KCNQ5: variants seen among roughly 807,000 people sequenced by gnomAD.
KCNQ5 encodes the protein potassium voltage-gated channel subfamily KQT member 5.
Under a neutral mutation model 98.2 loss-of-function variants are expected in KCNQ5, and 30 were observed. The observed-to-expected ratio is 0.31, with a 90% CI of 0.23 to 0.41. The LOEUF is 0.41. Ranked by LOEUF, KCNQ5 falls within the 10% of genes least tolerant of loss-of-function variation. The pLI is 1.00. For synonymous variants in KCNQ5, 458 were observed against 449.4 expected (o/e 1.02, Z -0.24); for missense variants, 835 against 1,182.5 (o/e 0.71, Z 4.31).
intron 1 of KCNQ5, chr6:72,986,946 C>A: frequency 1.2e-6 from 1 of 840,352 alleles, no homozygotes; most frequent in Non-Finnish European, 2.0e-6. Context: ...GGGCAGATAA[C>A]GGAAGCAGAA....
chr6:73,188,854 G>A (rs1316931267), intron 11 of KCNQ5, among the ~76,000 whole-genome samples: 7 of 151,906 alleles, frequency 4.6e-5, no homozygotes, highest in African/African-American at 7.3e-5. Context: ...ATGGTGGCAC[G>A]TGCCTGTAAT....
intron 1 of KCNQ5, among the ~76,000 whole-genome samples, chr6:72,853,515 TG>T (rs1777383449): frequency 6.6e-6 from 1 of 152,132 alleles, no homozygotes; most frequent in Non-Finnish European, 1.5e-5. Context: ...GGCTAATTTT[TG>T]TGTTGTTATT....
In KCNQ5 at chr6:72,963,654, T is replaced by TTTTATTTATTTATTTATTTA. The variant is rs144818469; in HGVS notation, c.399-40247_399-40228dup. On this transcript the variant is annotated intron_variant, in intron 1 of 13. Coordinates refer to ENST00000370398, the MANE Select transcript of KCNQ5 (RefSeq NM_019842.4). ...CTATAGCTATTAATCACAGCTTTTA[T>TTTTATTTATTTATTTATTTA]TTTATTTATTTATTTATTTATTTAT... is the stretch of plus-strand genomic sequence containing the variant. Among the ~76,000 whole-genome samples, 6 of 152,054 alleles carry TTTTATTTATTTATTTATTTA rather than the reference T, an allele frequency of 3.9e-5. No homozygotes were observed. In the East Asian group the frequency reaches 7.7e-4, roughly 20 times the overall value.
At chr6:72,845,762 T>TTTA in intron 1 of KCNQ5, among the ~76,000 whole-genome samples, 1 of 152,314 alleles carries the variant, frequency 6.6e-6, no homozygotes, top group East Asian at 1.9e-4. Context: ...CACTATTATT[T>TTTA]TTATTTGAAT....
chr6:72,710,300 G>C (rs956147357), intron 1 of KCNQ5, among the ~76,000 whole-genome samples: 6 of 152,072 alleles, frequency 3.9e-5, no homozygotes, highest in Admixed American at 3.9e-4. Flanking sequence ...TAATAAGCTG[G>C]CATTGGTAAG....
chr6:73,018,016 G>A (rs1770428611), intron 2 of KCNQ5, among the ~76,000 whole-genome samples: 1 of 152,020 alleles, frequency 6.6e-6, no homozygotes, highest in South Asian at 2.1e-4. Flanking sequence ...TTTAAATCAG[G>A]TGAAATCAAG....
At chr6:72,854,721 TAC>T (rs59899899) in intron 1 of KCNQ5, among the ~76,000 whole-genome samples, 35,285 of 126,462 alleles carry the variant, frequency 0.28, 4,896 homozygotes, top group South Asian at 0.32. Flanking sequence ...TCTTTCTTTG[TAC>T]ACACACACAC....
In KCNQ5 at chr6:73,144,949, G is replaced by A. The variant is rs374839340; in HGVS notation, c.1468+11308G>A. On this transcript the variant is annotated intron_variant, in intron 10 of 13. Coordinates refer to ENST00000370398, the MANE Select transcript of KCNQ5 (RefSeq NM_019842.4). The stretch of plus-strand genomic sequence containing the variant: ...TTGGTCAAAGCAAATGGCAAGGACA[G>A]CCCACATGCAAGAGACAGAGAAAGA... Among the ~76,000 whole-genome samples, 330 of 152,318 alleles carry A rather than the reference G, an allele frequency of 2.2e-3. 4 individuals are homozygous for A. The highest frequency in any genetic ancestry group is 2.3e-3 in the Non-Finnish European group (155 of 68,030).
At chr6:72,686,052 TTGACCCCCTTATGGGGCTTCATCTTCA>T (rs1161811044) in intron 1 of KCNQ5, among the ~76,000 whole-genome samples, 2 of 152,218 alleles carry the variant, frequency 1.3e-5, no homozygotes, top group South Asian at 2.1e-4. Flanking sequence ...TTCAAGGATG[TTGACCCCCTTATGGGGCTTCATCTTCA>T]TGACCTCATC....
Position 73,195,133 on chromosome 6 carries a change from G to A in KCNQ5, c.2518G>A (p.Glu840Lys), listed in dbSNP as rs1562230186. 3.1e-6 allele frequency: 5 copies of A among 1,614,062 alleles called. No individual in the cohort carries two copies. The highest frequency in any genetic ancestry group is 1.3e-5 in the African/African-American group (1 of 74,926). The stretch of plus-strand genomic sequence containing the variant: ...TGTGCAAAACCTGATCAGGTCGACC[G>A]AGGAACTGAATATACAACTTTCAGG... ...LSVQNLIRST[E>K]ELNIQLSGSE... is the part of the protein sequence containing the mutation. The change falls in exon 14 of 14, where the codon GAG becomes AAG. Residue 840 changes from glutamate (E) to lysine (K), a missense_variant. Around this residue, in one of 10 missense-constraint regions of KCNQ5, gnomAD observed 416 missense variants for 446.9 expected, o/e 0.93. Coordinates refer to ENST00000370398, the MANE Select transcript of KCNQ5 (RefSeq NM_019842.4).
At chr6:73,023,308 C>T (rs138665282) in intron 2 of KCNQ5, among the ~76,000 whole-genome samples, 16 of 152,118 alleles carry the variant, frequency 1.1e-4, no homozygotes, top group African/African-American at 2.9e-4. Flanking sequence ...ACATGGTGTT[C>T]GACAATTTCA....
intron 10 of KCNQ5, among the ~76,000 whole-genome samples, chr6:73,157,068 G>A (rs2150488156): frequency 6.6e-6 from 1 of 152,360 alleles, no homozygotes; most frequent in East Asian, 1.9e-4. Flanking sequence ...CCGGGGGCCA[G>A]GACCTGTTGC....
At chr6:73,034,241 A>C (rs1006630240) in intron 2 of KCNQ5, among the ~76,000 whole-genome samples, 1 of 152,202 alleles carries the variant, frequency 6.6e-6, no homozygotes, top group Non-Finnish European at 1.5e-5. Context: ...GGATTATGTA[A>C]AGAGGCATGT....
chr6:73,172,626 G>A (rs527887408), intron 11 of KCNQ5, among the ~76,000 whole-genome samples: 6 of 152,116 alleles, frequency 3.9e-5, no homozygotes, highest in African/African-American at 4.8e-5. Flanking sequence ...ATCAGTTGCC[G>A]GAGGGTTTTT....
chr6:72,814,115 G>A (rs1775383411), intron 1 of KCNQ5, among the ~76,000 whole-genome samples: 1 of 152,208 alleles, frequency 6.6e-6, no homozygotes, highest in South Asian at 2.1e-4. Context: ...CAGGCCCAAG[G>A]CCACTGATGC....
intron 1 of KCNQ5, among the ~76,000 whole-genome samples, chr6:72,759,023 A>G (rs1277809357): frequency 6.6e-6 from 1 of 152,174 alleles, no homozygotes; most frequent in African/African-American, 2.4e-5. Flanking sequence ...GGGAAACAAG[A>G]TCTTTGGTTT....
intron 1 of KCNQ5, among the ~76,000 whole-genome samples, chr6:72,901,034 T>G (rs979256281): frequency 6.6e-6 from 1 of 152,108 alleles, no homozygotes; most frequent in African/African-American, 2.4e-5. Context: ...CATGCAGGTT[T>G]GTTACATATG....
intron 1 of KCNQ5, among the ~76,000 whole-genome samples, chr6:72,829,812 G>C (rs565942256): frequency 6.6e-6 from 1 of 152,112 alleles, no homozygotes; most frequent in Non-Finnish European, 1.5e-5. Context: ...AAAAAAGAAC[G>C]TTTTTCTAAG....
At chr6:72,948,433 T>G (rs935264783) in intron 1 of KCNQ5, among the ~76,000 whole-genome samples, 1 of 151,946 alleles carries the variant, frequency 6.6e-6, no homozygotes, top group Non-Finnish European at 1.5e-5. Flanking sequence ...ATAAACTGTT[T>G]TATTCAGTTT....
Sources: gnomAD v4.1 joint callset for allele counts (sites outside exome capture counted in the v4.1 genomes callset) on GRCh38, gnomAD v4.1.1 for gene constraint, gnomAD v4.1.1 regional missense constraint, MANE v1.5 for transcripts, NCBI Gene and HGNC (gene_info 2026-07-23, HGNC 2026-07-21) for gene names.